Variants in ROBO2 observed in about 807,000 individuals in gnomAD.
ROBO2 encodes the protein roundabout homolog 2.
A neutral mutation model predicts 160.8 loss-of-function variants in ROBO2; 53 were observed. The observed-to-expected ratio is 0.33, with a 90% confidence interval of 0.26 to 0.41. The LOEUF is 0.41. ROBO2 is among the 10% of genes least tolerant of loss of function. The pLI is 1.00. For missense variants in ROBO2, 1,577 were observed against 1,722.4 expected (o/e 0.92, Z 1.49); for synonymous variants, 664 against 611.7 (o/e 1.09, Z -1.26).
At chr3:77,304,509 T>G (rs2062929656) in intron 2 of ROBO2, among the ~76,000 whole-genome samples, 1 of 152,122 alleles carries the variant, frequency 6.6e-6, no homozygotes, top group Non-Finnish European at 1.5e-5. Context: ...CCACATATAT[T>G]ACTGCAGAGG....
chr3:75,940,132 T>C (rs907745869), intron 2 of ROBO2, among the ~76,000 whole-genome samples: 1 of 152,206 alleles, frequency 6.6e-6, no homozygotes, highest in African/African-American at 2.4e-5. Flanking sequence ...GACTATGTTC[T>C]AAATGTTTAA....
chr3:77,571,333 A>G (rs1439424900), intron 13 of ROBO2, among the ~76,000 whole-genome samples: 3 of 152,098 alleles, frequency 2.0e-5, no homozygotes, highest in African/African-American at 7.2e-5. Context: ...CAGTTTAACT[A>G]GAATGCTGAT....
exon 5 of ROBO2, chr3:77,493,368 C>T (rs374688796): frequency 6.2e-7 from 1 of 1,613,878 alleles, no homozygotes; most frequent in African/African-American, 1.3e-5. Flanking sequence ...ATGATGCAGA[C>T]TTGCCAAGAG....
chr3:76,215,247 C>A (rs568679072), intron 2 of ROBO2, among the ~76,000 whole-genome samples: 1 of 152,126 alleles, frequency 6.6e-6, no homozygotes, highest in South Asian at 2.1e-4. Flanking sequence ...CTCTAAAAAT[C>A]GAGCACCTCT....
intron 2 of ROBO2, among the ~76,000 whole-genome samples, chr3:76,695,312 C>G (rs2092904037): frequency 6.6e-6 from 1 of 152,076 alleles, no homozygotes. Context: ...ATGTATTTTT[C>G]TATGCCTGTC....
chr3:76,221,080 T>C (rs753380398), intron 2 of ROBO2, among the ~76,000 whole-genome samples: 3 of 152,202 alleles, frequency 2.0e-5, no homozygotes, highest in Non-Finnish European at 4.4e-5. Context: ...TTTACTTCCA[T>C]TGAGAAGTAG....
chr3:76,430,571 T>A (rs1393049176), intron 2 of ROBO2, among the ~76,000 whole-genome samples: 2 of 152,148 alleles, frequency 1.3e-5, no homozygotes, highest in African/African-American at 4.8e-5. Flanking sequence ...ACTAGAATTA[T>A]TAAGGACATT....
At chr3:77,242,861 G>A (rs1217548687) in intron 2 of ROBO2, among the ~76,000 whole-genome samples, 1 of 150,874 alleles carries the variant, frequency 6.6e-6, no homozygotes, top group Non-Finnish European at 1.5e-5. Flanking sequence ...ATGGCCTATT[G>A]TACTATGTCT....
chr3:77,538,771 C>A, intron 6 of ROBO2: 2 of 364,890 alleles, frequency 5.5e-6, no homozygotes, highest in East Asian at 8.0e-5. Context: ...TCAATTAGAA[C>A]CCAAACTGAG....
chr3:76,424,554 T>C (rs1425656763), intron 2 of ROBO2, among the ~76,000 whole-genome samples: 1 of 152,146 alleles, frequency 6.6e-6, no homozygotes, highest in Non-Finnish European at 1.5e-5. Flanking sequence ...GTTTCAGTTA[T>C]GCAAAATAAA....
At chr3:75,934,710 T>A (rs1005421891) in intron 1 of ROBO2, among the ~76,000 whole-genome samples, 1 of 152,168 alleles carries the variant, frequency 6.6e-6, no homozygotes, top group East Asian at 1.9e-4. Flanking sequence ...AATAACATTT[T>A]GAAAACCATC....
At chr3:77,242,847 T>C (rs2089231317) in intron 2 of ROBO2, among the ~76,000 whole-genome samples, 1 of 151,304 alleles carries the variant, frequency 6.6e-6, no homozygotes, top group African/African-American at 2.4e-5. Flanking sequence ...TATATTAATA[T>C]ATAATGGCCT....
At chr3:77,206,203 C>T (rs1429388127) in intron 2 of ROBO2, among the ~76,000 whole-genome samples, 2 of 151,884 alleles carry the variant, frequency 1.3e-5, no homozygotes, top group Non-Finnish European at 2.9e-5. Flanking sequence ...GAATTTTGCT[C>T]TTGTTGCTCA....
intron 2 of ROBO2, among the ~76,000 whole-genome samples, chr3:76,441,015 G>A: frequency 6.6e-6 from 1 of 151,934 alleles, no homozygotes. Flanking sequence ...TTTGACTTTT[G>A]TTTAAAGGGT....
chr3:76,955,888 CAA>C (rs35674535), intron 2 of ROBO2, among the ~76,000 whole-genome samples: 51 of 123,974 alleles, frequency 4.1e-4, no homozygotes, highest in Admixed American at 5.8e-4. Context: ...GAGACTCCGT[CAA>C]AAAAAAAAAA....
At chr3:77,030,161 G>A (rs1327114055) in intron 2 of ROBO2, among the ~76,000 whole-genome samples, 3 of 147,356 alleles carry the variant, frequency 2.0e-5, no homozygotes, top group Non-Finnish European at 4.4e-5. Flanking sequence ...AGCCAGGATT[G>A]TCTCGATCTC....
chr3:76,332,495 C>G (rs1371082390), intron 2 of ROBO2, among the ~76,000 whole-genome samples: 1 of 152,168 alleles, frequency 6.6e-6, no homozygotes, highest in African/African-American at 2.4e-5. Flanking sequence ...CAGTTTCAAA[C>G]TCGTAGATTC....
intron 2 of ROBO2, among the ~76,000 whole-genome samples, chr3:76,888,592 G>A (rs2074097835): frequency 6.6e-6 from 1 of 152,164 alleles, no homozygotes; most frequent in Non-Finnish European, 1.5e-5. Context: ...CACTCCATCA[G>A]AATTACAATT....
intron 2 of ROBO2, among the ~76,000 whole-genome samples, chr3:76,111,179 G>A (rs2070212524): frequency 6.6e-6 from 1 of 152,050 alleles, no homozygotes; most frequent in African/African-American, 2.4e-5. Context: ...TTAATAGGAG[G>A]AACATGACAG....
Sources: allele counts gnomAD v4.1 joint callset (sites outside exome capture counted in the v4.1 genomes callset), GRCh38; gene constraint gnomAD v4.1.1; transcripts MANE v1.5; gene names NCBI Gene and HGNC (gene_info 2026-07-23, HGNC 2026-07-21).